KCNC2: variants seen among roughly 807,000 people sequenced by gnomAD.
KCNC2 encodes voltage-gated potassium channel KCNC2.
In KCNC2, 21 loss-of-function variants were observed where a neutral mutation model predicts 44.5. The ratio of observed to expected loss-of-function variants is 0.47; its 90% CI spans 0.33 to 0.68. KCNC2 has a LOEUF of 0.68. Among genes scored for constraint, KCNC2 ranks in the 30% least tolerant of loss-of-function variants. The pLI is 0.01. For synonymous variants in KCNC2, 391 were observed against 339.1 expected, an observed-to-expected ratio of 1.15 and a Z score of -1.68; for missense variants, 589 against 826.2, an observed-to-expected ratio of 0.71 and a Z score of 3.52.
At position 75,071,521 on chromosome 12, in the gene KCNC2, G is replaced by A. The variant is rs76006078; in HGVS notation, c.688-20204C>T. 3.3e-3 allele frequency among the ~76,000 whole-genome samples: 509 copies of A among 152,112 alleles called. 7 individuals carry two copies. The highest frequency in any genetic ancestry group is 0.022 in the Admixed American group (333 of 15,278). ...CCTATGCATATTATAAGTTTTCAAC[G>A]AATTTGAGAATAATAAACTATGCTT... On this transcript the variant is annotated intron_variant, in intron 2 of 4. Coordinates refer to ENST00000549446, the MANE Select transcript of KCNC2 (RefSeq NM_139137.4).
chr12:75,041,147 G>A lies in KCNC2; in HGVS notation c.*1958C>T, dbSNP rs184812218. 113 of 1,596,712 alleles carry A rather than the reference G, an allele frequency of 7.1e-5. No homozygotes were observed. The African/African-American group carries it at 1.4e-3, about 19-fold the overall frequency. The stretch of plus-strand genomic sequence containing the variant: ...CTGTTTCCAGTATAGTCCTTGGTAT[G>A]GCTAAATTCCACTGTCCCTTTCTCA... On this transcript the variant is annotated 3_prime_UTR_variant, in exon 5 of 5. Transcript: ENST00000549446.
At chr12:75,056,230 C>T (rs1055072697) in intron 2 of KCNC2, among the ~76,000 whole-genome samples, 2 of 151,884 alleles carry the variant, frequency 1.3e-5, no homozygotes, top group Non-Finnish European at 2.9e-5. Context: ...GGAGCCAACA[C>T]AGAATCTGCC....
intron 2 of KCNC2, among the ~76,000 whole-genome samples, chr12:75,159,996 T>C (rs999687641): frequency 4.6e-5 from 7 of 151,814 alleles, no homozygotes; most frequent in African/African-American, 1.5e-4. Flanking sequence ...TATAAATGAA[T>C]GAATAAATGA....
chr12:75,208,381 C>A (rs2031881471), intron 1 of KCNC2, among the ~76,000 whole-genome samples: 1 of 151,534 alleles, frequency 6.6e-6, no homozygotes, highest in African/African-American at 2.4e-5. Context: ...TCTCTGCCTC[C>A]CCAAACACAC....
At chr12:75,093,616 A>C (rs988462843) in intron 2 of KCNC2, among the ~76,000 whole-genome samples, 7 of 151,654 alleles carry the variant, frequency 4.6e-5, no homozygotes, top group Admixed American at 2.0e-4. Context: ...AGGATTTATG[A>C]AGTGGTCAAA....
intron 2 of KCNC2, among the ~76,000 whole-genome samples, chr12:75,187,651 T>G (rs1397313695): frequency 6.6e-6 from 1 of 152,210 alleles, no homozygotes; most frequent in African/African-American, 2.4e-5. Flanking sequence ...GCAACCTTAC[T>G]TGGAATACAT....
chr12:75,043,227 G>T lies in KCNC2; in HGVS notation c.1795C>A (p.Arg599=). ...GGIRKGYEKS[R]SLNNIAGLAG... The stretch of plus-strand genomic sequence containing the variant: ...AAGCCCGCTATGTTGTTTAAGCTTC[G>T]GGATTTTTCATATCCTTTTATGAAA... Residue 599 remains arginine, a synonymous_variant, in exon 5 of 5, where the codon CGA becomes AGA. Coordinates refer to ENST00000549446, the MANE Select transcript of KCNC2 (RefSeq NM_139137.4). 1 of 1,611,806 alleles carries T rather than the reference G, an allele frequency of 6.2e-7. No homozygotes were observed. The highest frequency in any genetic ancestry group is 8.5e-7 in the Non-Finnish European group (1 of 1,178,688).
intron 2 of KCNC2, among the ~76,000 whole-genome samples, chr12:75,086,681 A>AATATATATATATATATATATATATAT (rs398044519): frequency 7.4e-5 from 4 of 54,198 alleles, no homozygotes; most frequent in East Asian, 5.5e-4. Flanking sequence ...AAAAAAAAAA[A>AATATATATATATATATATATATATAT]ATATATATAT....
intron 2 of KCNC2, among the ~76,000 whole-genome samples, chr12:75,142,443 G>GATAA (rs1889721579): frequency 6.6e-6 from 1 of 152,114 alleles, no homozygotes; most frequent in African/African-American, 2.4e-5. Context: ...TTGAGTAAGT[G>GATAA]GTGTCACTGA....
At chr12:75,197,885 T>C (rs1344847174) in intron 2 of KCNC2, among the ~76,000 whole-genome samples, 1 of 151,740 alleles carries the variant, frequency 6.6e-6, no homozygotes, top group Middle Eastern at 3.2e-3. Context: ...CAAACATTAC[T>C]AAGAAATCAC....
Position 75,049,530 on chromosome 12 carries a change from T to G in KCNC2, c.1615+860A>C, listed in dbSNP as rs78258867. Reference sequence around the variant, plus strand: ...CATCACTATTACTTTGGCAGCTGAATGTCAATTTCTAGTCGATCAACTCTA... The same window carrying G: ...CATCACTATTACTTTGGCAGCTGAAGGTCAATTTCTAGTCGATCAACTCTA... On this transcript the variant is annotated intron_variant, in intron 3 of 4. Transcript: ENST00000549446. Among the ~76,000 whole-genome samples, 931 of 152,220 alleles carry G rather than the reference T, an allele frequency of 6.1e-3. 10 individuals carry two copies. Among genetic ancestry groups the G allele is most frequent in the African/African-American group, 0.021 (893 of 41,542 alleles).
intron 2 of KCNC2, among the ~76,000 whole-genome samples, chr12:75,133,983 G>C (rs1302392827): frequency 6.6e-6 from 1 of 151,928 alleles, no homozygotes; most frequent in Non-Finnish European, 1.5e-5. Context: ...GAGGATATAA[G>C]AGCACATATC....
chr12:75,084,367 T>C (rs1392411251), intron 2 of KCNC2, among the ~76,000 whole-genome samples: 1 of 151,698 alleles, frequency 6.6e-6, no homozygotes, highest in Admixed American at 6.6e-5. Flanking sequence ...TTTGGCTGTG[T>C]CCCCACCCAA....
rs553959970 is a variant in KCNC2 at position 75,163,535 on chromosome 12, C to T, written c.687+43762G>A. Among the ~76,000 whole-genome samples, 11 of 151,796 alleles carry T rather than the reference C, an allele frequency of 7.2e-5. No homozygotes were observed. In the East Asian group the frequency reaches 1.8e-3, roughly 24 times the overall value. On this transcript the variant is annotated intron_variant, in intron 2 of 4. Transcript: ENST00000549446. ...CAGTTAAAGACTGCTAAGCACTAAACGCAACATTAAGCACACACATATTCC... is the reference window on the plus strand; with the variant it reads ...CAGTTAAAGACTGCTAAGCACTAAATGCAACATTAAGCACACACATATTCC...
chr12:75,121,558 C>T (rs1446516746), intron 2 of KCNC2, among the ~76,000 whole-genome samples: 2 of 152,124 alleles, frequency 1.3e-5, no homozygotes, highest in East Asian at 1.9e-4. Context: ...GTCACAGGAC[C>T]ATAATCACTC....
rs1321649060 is a variant in KCNC2 at position 75,168,497 on chromosome 12, T to C, written c.687+38800A>G. 2.0e-5 allele frequency among the ~76,000 whole-genome samples: 3 copies of C among 151,484 alleles called. No individual in the cohort carries two copies. In the East Asian group the frequency reaches 5.8e-4, roughly 29 times the overall value. On this transcript the variant is annotated intron_variant, in intron 2 of 4. Transcript: ENST00000549446. ...GCTCCCAACTACAAAGCTATAATTATCAATTGCATAGTTTCTATATGCCAA... is the reference window on the plus strand; with the variant it reads ...GCTCCCAACTACAAAGCTATAATTACCAATTGCATAGTTTCTATATGCCAA...
intron 2 of KCNC2, among the ~76,000 whole-genome samples, chr12:75,166,890 T>C (rs1891494393): frequency 6.6e-6 from 1 of 150,958 alleles, no homozygotes; most frequent in Non-Finnish European, 1.5e-5. Flanking sequence ...CCCTAAGAAT[T>C]AGGAAAAGAA....
chr12:75,160,121 G>A (rs1592996518), intron 2 of KCNC2, among the ~76,000 whole-genome samples: 1 of 151,842 alleles, frequency 6.6e-6, no homozygotes, highest in South Asian at 2.1e-4. Context: ...GGACCTTTAA[G>A]GAGGTAATTA....
intron 2 of KCNC2, among the ~76,000 whole-genome samples, chr12:75,055,574 T>C (rs1390869120): frequency 6.6e-6 from 1 of 152,100 alleles, no homozygotes; most frequent in African/African-American, 2.4e-5. Context: ...AGACAAGGTA[T>C]GTCATGTCAA....
Sources: gnomAD v4.1 joint callset for allele counts (sites outside exome capture counted in the v4.1 genomes callset) on GRCh38, gnomAD v4.1.1 for gene constraint, MANE v1.5 for transcripts, NCBI Gene and HGNC (gene_info 2026-07-23, HGNC 2026-07-21) for gene names.